ARID4B: variants seen among roughly 807,000 people sequenced by gnomAD.
ARID4B encodes the protein AT-rich interactive domain-containing protein 4B.
In ARID4B, 26 loss-of-function variants were observed where a neutral mutation model predicts 147.5. The observed-to-expected ratio is 0.18, with a 90% CI of 0.13 to 0.24. ARID4B has a LOEUF of 0.24. ARID4B is among the 10% of genes least tolerant of loss of function. ARID4B has a pLI of 1.00. For missense variants in ARID4B, 1,179 were observed against 1,511.5 expected, an observed-to-expected ratio of 0.78 and a Z score of 3.65; for synonymous variants, 512 against 507.9, an observed-to-expected ratio of 1.01 and a Z score of -0.11.
At chr1:235,256,590 T>A (rs1670005202) in intron 4 of ARID4B, among the ~76,000 whole-genome samples, 1 of 152,224 alleles carries the variant, frequency 6.6e-6, no homozygotes, top group Admixed American at 6.5e-5. Flanking sequence ...GAAATAAAAC[T>A]CTCCAACTGT....
intron 17 of ARID4B, among the ~76,000 whole-genome samples, chr1:235,211,445 C>CTT (rs1666715675): frequency 6.6e-6 from 1 of 152,132 alleles, no homozygotes; most frequent in African/African-American, 2.4e-5. Context: ...TCAAATACTT[C>CTT]ATAAAGGCCA....
intron 19 of ARID4B, among the ~76,000 whole-genome samples, chr1:235,189,399 C>CAAAAAAAAAA: frequency 1.7e-5 from 1 of 58,920 alleles, no homozygotes; most frequent in Non-Finnish European, 2.8e-5. Context: ...GACTCAGTCT[C>CAAAAAAAAAA]AAAAAAAAAA....
At chr1:235,201,790 AG>A (rs1665947136) in intron 17 of ARID4B, among the ~76,000 whole-genome samples, 1 of 152,080 alleles carries the variant, frequency 6.6e-6, no homozygotes, top group Non-Finnish European at 1.5e-5. Context: ...AGGCTGAGGC[AG>A]GAGAATCACT....
chr1:235,268,413 G>C (rs952957809), intron 2 of ARID4B, among the ~76,000 whole-genome samples: 2 of 151,934 alleles, frequency 1.3e-5, no homozygotes, highest in African/African-American at 4.8e-5. Flanking sequence ...GTACTTCTAG[G>C]TGTGCGTGTG....
intron 2 of ARID4B, among the ~76,000 whole-genome samples, chr1:235,285,944 C>T (rs1242443474): frequency 1.3e-5 from 2 of 152,074 alleles, no homozygotes; most frequent in South Asian, 2.1e-4. Flanking sequence ...TGAGCCACAA[C>T]CTATTAATTA....
At chr1:235,251,077 T>C (rs1669614142) in intron 6 of ARID4B, among the ~76,000 whole-genome samples, 2 of 152,180 alleles carry the variant, frequency 1.3e-5, no homozygotes, top group Admixed American at 1.3e-4. Context: ...ATTTATTGTA[T>C]GTAAACCTTC....
At position 235,177,783 on chromosome 1, in the gene ARID4B, A is replaced by G. The variant is rs754541186; in HGVS notation, c.3448+17T>C. 3.3e-6 allele frequency: 5 copies of G among 1,513,840 alleles called. No homozygotes were observed. Among genetic ancestry groups the G allele is most frequent in the Non-Finnish European group, 4.5e-6 (5 of 1,101,152 alleles). The allele number at this position is 1,513,840 out of a possible 1,614,324, so 93.8% of individuals were successfully genotyped here. A position where few individuals can be genotyped will look rare whatever the true frequency, so the allele number is the denominator to read the frequency against. Reference sequence around the variant, plus strand: ...CTATTATTTTTATATTTTAAAAATTAGAGATTTCACACTTACTGCCTTTTC... The same window carrying G: ...CTATTATTTTTATATTTTAAAAATTGGAGATTTCACACTTACTGCCTTTTC... On this transcript the variant is annotated intron_variant, in intron 21 of 23. Coordinates refer to ENST00000264183, the MANE Select transcript of ARID4B (RefSeq NM_016374.6).
chr1:235,270,760 A>T (rs1198955051), intron 2 of ARID4B, among the ~76,000 whole-genome samples: 1 of 152,244 alleles, frequency 6.6e-6, no homozygotes, highest in Non-Finnish European at 1.5e-5. Context: ...GTTATTTGTC[A>T]TCTTGCTAGT....
intron 19 of ARID4B, among the ~76,000 whole-genome samples, chr1:235,192,531 A>G (rs889577365): frequency 6.6e-6 from 1 of 151,686 alleles, no homozygotes; most frequent in Non-Finnish European, 1.5e-5. Flanking sequence ...ATAAAAATAT[A>G]GTACAGCATT....
chr1:235,311,787 AAAACAAAC>A (rs906064915), intron 2 of ARID4B, among the ~76,000 whole-genome samples: 6 of 152,190 alleles, frequency 3.9e-5, no homozygotes, highest in South Asian at 2.1e-4. Flanking sequence ...AACAAAAAAC[AAAACAAAC>A]AAACAAACAA....
chr1:235,205,417 G>A (rs1424754255), intron 17 of ARID4B, among the ~76,000 whole-genome samples: 1 of 152,144 alleles, frequency 6.6e-6, no homozygotes, highest in African/African-American at 2.4e-5. Flanking sequence ...TTTGCTAAGA[G>A]ATGAGCTCTT....
chr1:235,248,399 T>C lies in ARID4B; in HGVS notation c.355-1888A>G, dbSNP rs950304329. 7.9e-5 allele frequency among the ~76,000 whole-genome samples: 12 copies of C among 152,316 alleles called. No individual in the cohort carries two copies. In the East Asian group the frequency reaches 2.3e-3, roughly 29 times the overall value. The stretch of plus-strand genomic sequence containing the variant: ...TTAACTCCTATGGTGAAAATTTCTA[T>C]GTAATCTGAAATATTATTTTGGTAA... On this transcript the variant is annotated intron_variant, in intron 6 of 23. Coordinates refer to ENST00000264183, the MANE Select transcript of ARID4B (RefSeq NM_016374.6).
At chr1:235,322,120 C>T (rs185471214) in intron 2 of ARID4B, among the ~76,000 whole-genome samples, 4 of 152,022 alleles carry the variant, frequency 2.6e-5, no homozygotes, top group African/African-American at 7.2e-5. Flanking sequence ...CCTCCACCTC[C>T]CGTGTTCAAG....
At chr1:235,259,325 AAAGCATGGGTC>A (rs1670160887) in intron 3 of ARID4B, among the ~76,000 whole-genome samples, 2 of 152,260 alleles carry the variant, frequency 1.3e-5, no homozygotes, top group Admixed American at 1.3e-4. Flanking sequence ...TTTGTGGGCC[AAAGCATGGGTC>A]CTGGAGTGAC....
At position 235,234,285 on chromosome 1, in the gene ARID4B, C is replaced by A. The variant is rs867908858; in HGVS notation, c.665+128G>T. 9.4e-6 allele frequency: 6 copies of A among 636,884 alleles called. No individual in the cohort carries two copies. In the Admixed American group the frequency reaches 1.2e-4, roughly 12 times the overall value. The allele number at this position is 636,884 out of a possible 1,614,324, so 39.5% of individuals were successfully genotyped here. A position where few individuals can be genotyped will look rare whatever the true frequency, so the allele number is the denominator to read the frequency against. ...TATGAAAAACAGTGACTCTTTGAAACATTCTGTATGATGAAAAATAAAAGC... is the reference window on the plus strand; with the variant it reads ...TATGAAAAACAGTGACTCTTTGAAAAATTCTGTATGATGAAAAATAAAAGC... On this transcript the variant is annotated intron_variant, in intron 9 of 23. Transcript: ENST00000264183.
At chr1:235,229,450 T>A (rs1668061544) in intron 10 of ARID4B, 65 bp from the exon 11 acceptor site, 8 of 1,134,278 alleles carry the variant, frequency 7.1e-6, no homozygotes, top group African/African-American at 1.6e-5. Context: ...CAAAAAGTAT[T>A]AAACACGATA....
chr1:235,222,861 T>C (rs1397888316), intron 13 of ARID4B, among the ~76,000 whole-genome samples: 1 of 151,898 alleles, frequency 6.6e-6, no homozygotes. Context: ...TTTTGTATTC[T>C]TTGTAGAGAT....
At chr1:235,243,831 G>A (rs1669137154) in intron 7 of ARID4B, among the ~76,000 whole-genome samples, 1 of 152,072 alleles carries the variant, frequency 6.6e-6, no homozygotes, top group Non-Finnish European at 1.5e-5. Flanking sequence ...GAAACACACA[G>A]AACCTATGTA....
At chr1:235,269,951 GTTTT>G (rs201733508) in intron 2 of ARID4B, among the ~76,000 whole-genome samples, 2 of 151,178 alleles carry the variant, frequency 1.3e-5, no homozygotes, top group Non-Finnish European at 3.0e-5. Context: ...TTGTTTGTCT[GTTTT>G]TTTTGCTGGA....
Sources: allele counts gnomAD v4.1 joint callset (sites outside exome capture counted in the v4.1 genomes callset), GRCh38; gene constraint gnomAD v4.1.1; transcripts MANE v1.5; gene names NCBI Gene and HGNC (gene_info 2026-07-23, HGNC 2026-07-21).